The following RNPEPL1 variants were observed in gnomAD, a reference collection of about 807,000 sequenced individuals.
RNPEPL1 encodes the protein aminopeptidase RNPEPL1.
In RNPEPL1, 46 loss-of-function variants were observed where a neutral mutation model predicts 69.0. The ratio of observed to expected loss-of-function variants is 0.67; its 90% CI spans 0.53 to 0.85. The LOEUF is 0.85. Ranked by LOEUF, RNPEPL1 falls within the 40% of genes least tolerant of loss-of-function variation. The probability of loss-of-function intolerance (pLI) is 0.00; values close to 1 mark genes in which losing one functional copy is unlikely to be tolerated. For synonymous variants in RNPEPL1, 525 were observed against 454.1 expected, an observed-to-expected ratio of 1.16 and a Z score of -1.98; for missense variants, 869 against 992.5, an observed-to-expected ratio of 0.88 and a Z score of 1.67.
chr2:240,577,900 G>A lies in RNPEPL1; in HGVS notation c.*8G>A. ...GTCAATGTGTCTGCCTAGCCCTGTTGGCGGGCTGACCCTCGACCTCCCAGA... is the reference window on the plus strand; with the variant it reads ...GTCAATGTGTCTGCCTAGCCCTGTTAGCGGGCTGACCCTCGACCTCCCAGA... On this transcript the variant is annotated 3_prime_UTR_variant, in exon 11 of 11. Coordinates refer to ENST00000270357, the MANE Select transcript of RNPEPL1 (RefSeq NM_018226.6). 6.7e-7 allele frequency: 1 copy of A among 1,483,588 alleles called. No homozygotes were observed. Among genetic ancestry groups the A allele is most frequent in the African/African-American group, 1.4e-5 (1 of 71,480 alleles). The allele number at this position is 1,483,588 out of a possible 1,614,324, so 91.9% of individuals were successfully genotyped here.
intron 7 of RNPEPL1, 81 bp downstream of exon 7, chr2:240,575,223 C>T (rs555091891): frequency 1.7e-5 from 20 of 1,151,654 alleles, no homozygotes; most frequent in African/African-American, 1.1e-4. Flanking sequence ...CCTGCTCTTG[C>T]GGCAGTTGGG....
intron 8 of RNPEPL1, chr2:240,576,114 G>A: frequency 3.7e-6 from 1 of 269,506 alleles, no homozygotes; most frequent in South Asian, 5.2e-5. Context: ...TACAGCAAGT[G>A]CATCAAGAGC....
At chr2:240,569,729 G>C (rs1176919435) in intron 1 of RNPEPL1, among the ~76,000 whole-genome samples, 1 of 152,250 alleles carries the variant, frequency 6.6e-6, no homozygotes, top group African/African-American at 2.4e-5. Context: ...ATGTGTACAG[G>C]ATGGAGCAGG....
At position 240,577,682 on chromosome 2, in the gene RNPEPL1, G is replaced by T. The variant is rs745528539; in HGVS notation, c.1968G>T (p.Gln656His). The change falls in exon 11 of 11, where the codon CAG (glutamine) becomes CAT (histidine). Residue 656 changes from glutamine (Q) to histidine (H), a missense_variant. Physicochemically the swap from Gln to His is conservative, Grantham distance 24. Around this residue, in one of 2 missense-constraint regions of RNPEPL1, gnomAD observed 610 missense variants for 790.9 expected, o/e 0.77. Coordinates refer to ENST00000270357, the MANE Select transcript of RNPEPL1 (RefSeq NM_018226.6). ...LKSFALEVFY[Q>H]TQGRLHPNLR... Reference sequence around the variant, plus strand: ...CCTTCGCGCTGGAGGTCTTCTACCAGACGCAGGGCCGGCTGCACCCCAACC... The same window carrying T: ...CCTTCGCGCTGGAGGTCTTCTACCATACGCAGGGCCGGCTGCACCCCAACC... 1.9e-6 allele frequency: 3 copies of T among 1,612,690 alleles called. No homozygotes were observed. In the South Asian group the frequency reaches 3.3e-5, roughly 18 times the overall value.
chr2:240,574,959 C>T (rs1023309233), intron 6 of RNPEPL1, 71 bp from the exon 7 acceptor site: 2 of 1,174,586 alleles, frequency 1.7e-6, no homozygotes, highest in Admixed American at 1.7e-5. Context: ...GGAGCCTGAC[C>T]ACTGCCCCTC....
chr2:240,580,331 T>C lies in RNPEPL1; in HGVS notation c.*2439T>C, dbSNP rs2093049385. 1 of 152,166 alleles carries C rather than the reference T, an allele frequency of 6.6e-6. No homozygotes were observed. Among genetic ancestry groups the C allele is most frequent in the Non-Finnish European group, 1.5e-5 (1 of 68,050 alleles). The allele number at this position is 152,166 out of a possible 1,614,324, so 9.4% of individuals were successfully genotyped here. On this transcript the variant is annotated 3_prime_UTR_variant, in exon 11 of 11. Transcript: ENST00000270357. ...ATCCCAGTTGAGCTTTACCAAATGTTTTGCCCCACCTAACAGCCTGCCCAC... is the reference window on the plus strand; with the variant it reads ...ATCCCAGTTGAGCTTTACCAAATGTCTTGCCCCACCTAACAGCCTGCCCAC...
chr2:240,573,758 C>A lies in RNPEPL1; in HGVS notation c.822-17C>A, dbSNP rs755399516. The A allele has an allele frequency of 4.0e-6, 6 of 1,517,208 alleles. No homozygotes were observed. The African/African-American group carries it at 8.3e-5, about 21-fold the overall frequency. 94.0% of individuals were successfully genotyped at this position (1,517,208 alleles called of 1,614,324 possible). A position where few individuals can be genotyped will look rare whatever the true frequency, so the allele number is the denominator to read the frequency against. ...TGGGGCTGCTCGGCCTCAGCTCACC[C>A]TCTCTGCATGCACCAGGAGCCGCGT... On this transcript the variant is annotated splice_polypyrimidine_tract_variant and intron_variant, in intron 3 of 10. Coordinates refer to ENST00000270357, the MANE Select transcript of RNPEPL1 (RefSeq NM_018226.6).
intron 1 of RNPEPL1, among the ~76,000 whole-genome samples, chr2:240,570,681 C>T (rs1337743179): frequency 2.0e-5 from 3 of 152,182 alleles, no homozygotes; most frequent in African/African-American, 7.2e-5. Flanking sequence ...TCCCGCACCC[C>T]CACCCCACCC....
At position 240,568,548 on chromosome 2, in the gene RNPEPL1, G is replaced by T; in HGVS notation, c.-39G>T. ...CGGCGCCCCTCGCCCGCGGCCCGGC[G>T]CGGCCGCCGCCCATGGATTTCACCT... On this transcript the variant is annotated 5_prime_UTR_variant, in exon 1 of 11. Transcript: ENST00000270357. This position sits in a 1 kb window ranked among gnomAD's most constrained non-coding sequence, Gnocchi z 6.2. 1 of 922,552 alleles carries T rather than the reference G, an allele frequency of 1.1e-6. No individual in the cohort carries two copies. 57.1% of individuals were successfully genotyped at this position (922,552 alleles called of 1,614,324 possible).
chr2:240,577,036 G>A, intron 10 of RNPEPL1, 46 bp downstream of exon 10: 2 of 1,607,080 alleles, frequency 1.2e-6, no homozygotes, highest in Non-Finnish European at 1.7e-6. Context: ...GCCTAGCCGT[G>A]CGGACTGGGA....
At chr2:240,574,911 A>T (rs1256293215) in intron 6 of RNPEPL1, 119 bp from the exon 7 acceptor site, 6 of 808,634 alleles carry the variant, frequency 7.4e-6, no homozygotes, top group South Asian at 4.4e-5. Flanking sequence ...ACATCTGGAC[A>T]TGTGAGGGAC....
chr2:240,572,494 G>T lies in RNPEPL1; in HGVS notation c.600G>T (p.Val200=). ...TCGTCTTCACCCAGGGCCACTCCGT[G>T]TGCAACCGCTCCTTCTTCCCGTGCT... ...KPFVFTQGHS[V]CNRSFFPCFD... The change falls in exon 2 of 11, where the codon GTG becomes GTT. Residue 200 remains valine (V), a synonymous_variant. Transcript: ENST00000270357. 6.5e-7 allele frequency: 1 copy of T among 1,536,288 alleles called. No homozygotes were observed. Among genetic ancestry groups the T allele is most frequent in the Non-Finnish European group, 8.7e-7 (1 of 1,146,904 alleles).
Position 240,574,363 on chromosome 2 carries a change from G to C in RNPEPL1, c.1174+15G>C. The C allele has an allele frequency of 6.3e-7, 1 of 1,589,634 alleles. No individual in the cohort carries two copies. The highest frequency in any genetic ancestry group is 8.5e-7 in the Non-Finnish European group (1 of 1,171,278). ...CGAGACCTACGGTGCGGCCAGGGCC[G>C]GGGAGGGCAGCCACGGGGGGCCCTG... On this transcript the variant is annotated intron_variant, in intron 5 of 10. Coordinates refer to ENST00000270357, the MANE Select transcript of RNPEPL1 (RefSeq NM_018226.6).
In RNPEPL1 at chr2:240,577,786, T is replaced by C; in HGVS notation, c.2072T>C (p.Leu691Pro). 1.2e-6 allele frequency: 2 copies of C among 1,611,158 alleles called. No homozygotes were observed. The highest frequency in any genetic ancestry group is 1.7e-6 in the Non-Finnish European group (2 of 1,178,800). Reference sequence around the variant, plus strand: ...CCCGCCTCAGAGCCCAGCACGGAGCTGGGCAAGGCTGAAGCAGACACAGAC... The same window carrying C: ...CCCGCCTCAGAGCCCAGCACGGAGCCGGGCAAGGCTGAAGCAGACACAGAC... The part of the protein sequence containing the change: ...TEPASEPSTE[L>P]GKAEADTDSD... The change falls in exon 11 of 11, where the codon CTG becomes CCG. Residue 691 changes from leucine (L) to proline (P), a missense_variant. Physicochemically the swap from Leu to Pro is moderately conservative, Grantham distance 98. Around this residue, in one of 2 missense-constraint regions of RNPEPL1, gnomAD observed 610 missense variants for 790.9 expected, o/e 0.77. Transcript: ENST00000270357.
At chr2:240,577,123 G>T in intron 10 of RNPEPL1, 133 bp downstream of exon 10, 1 of 1,153,536 alleles carries the variant, frequency 8.7e-7, no homozygotes, top group East Asian at 2.5e-5. Flanking sequence ...GAAGACGTAG[G>T]GGTCTGTTGG....
At chr2:240,571,082 C>T (rs2093019888) in intron 1 of RNPEPL1, among the ~76,000 whole-genome samples, 1 of 152,070 alleles carries the variant, frequency 6.6e-6, no homozygotes, top group Admixed American at 6.5e-5. Flanking sequence ...CATACAGATT[C>T]CCAGGTCCCA....
intron 8 of RNPEPL1, 161 bp downstream of exon 8, chr2:240,575,771 T>C (rs1211437508): frequency 3.1e-6 from 2 of 642,110 alleles, no homozygotes; most frequent in African/African-American, 3.6e-5. Context: ...CAGGCTGGTA[T>C]GCTATGAGAA....
At chr2:240,575,647 T>C in intron 8 of RNPEPL1, 37 bp downstream of exon 8, 1 of 1,550,308 alleles carries the variant, frequency 6.5e-7, no homozygotes, top group South Asian at 1.1e-5. Context: ...CAGGGAGCCG[T>C]GGGTATGATG....
chr2:240,568,705 G>T lies in RNPEPL1; in HGVS notation c.119G>T (p.Arg40Leu). Reference protein sequence around the residue: ...VASASSAQLFRLRHLQLGLEL... With the variant: ...VASASSAQLFLLRHLQLGLEL... ...TCGGCCTCCAGCGCGCAGCTCTTCCGCCTCCGCCACCTGCAGCTGGGCCTG... is the reference window on the plus strand; with the variant it reads ...TCGGCCTCCAGCGCGCAGCTCTTCCTCCTCCGCCACCTGCAGCTGGGCCTG... The change falls in exon 1 of 11, where the codon CGC becomes CTC. Residue 40 changes from arginine to leucine, a missense_variant. Arg to Leu is a moderately radical substitution (Grantham distance 102). Around this residue, in one of 2 missense-constraint regions of RNPEPL1, gnomAD observed 259 missense variants for 201.5 expected, o/e 1.29. Transcript: ENST00000270357. This position sits in a 1 kb window ranked among gnomAD's most constrained non-coding sequence, Gnocchi z 6.2. The T allele has an allele frequency of 9.4e-7, 1 of 1,066,034 alleles. No homozygotes were observed. The highest frequency in any genetic ancestry group is 1.1e-6 in the Non-Finnish European group (1 of 876,962). The allele number at this position is 1,066,034 out of a possible 1,614,324, so 66.0% of individuals were successfully genotyped here.
Sources: allele counts gnomAD v4.1 joint callset (sites outside exome capture counted in the v4.1 genomes callset), GRCh38; gene constraint gnomAD v4.1.1; regional missense constraint gnomAD v4.1.1; non-coding constraint Gnocchi (gnomAD v3.1); transcripts MANE v1.5; gene names NCBI Gene and HGNC (gene_info 2026-07-23, HGNC 2026-07-21).